The following RGS10 variants were observed in gnomAD, a reference collection of about 807,000 sequenced individuals.
The protein encoded by RGS10 is regulator of G-protein signalling 10.
In RGS10, 11 loss-of-function variants were observed where a neutral mutation model predicts 23.5. The ratio of observed to expected loss-of-function variants is 0.47; its 90% CI spans 0.29 to 0.77. The LOEUF (loss-of-function observed/expected upper bound fraction) is 0.77, where lower values mean the gene tolerates loss of function less well. Ranked by LOEUF, RGS10 falls within the 30% of genes least tolerant of loss-of-function variation. The probability of loss-of-function intolerance (pLI) is 0.08; values close to 1 mark genes in which losing one functional copy is unlikely to be tolerated. For synonymous variants in RGS10, 77 were observed against 83.2 expected (o/e 0.92, Z 0.41); for missense variants, 180 against 226.3 (o/e 0.80, Z 1.31).
At chr10:119,504,513 G>C (rs1589832387) in intron 4 of RGS10, among the ~76,000 whole-genome samples, 1 of 152,330 alleles carries the variant, frequency 6.6e-6, no homozygotes, top group Middle Eastern at 3.4e-3. Context: ...ATGTGTCTAA[G>C]TGAGAAACAA....
chr10:119,533,971 T>G (rs1416372082), intron 1 of RGS10, among the ~76,000 whole-genome samples: 1 of 152,116 alleles, frequency 6.6e-6, no homozygotes, highest in Admixed American at 6.6e-5. Flanking sequence ...ATACTTCAGA[T>G]GGGCCAGGCA....
intron 4 of RGS10, among the ~76,000 whole-genome samples, chr10:119,504,177 G>A (rs569167753): frequency 1.4e-4 from 21 of 152,310 alleles, no homozygotes; most frequent in African/African-American, 4.1e-4. Context: ...TCCCAAATAC[G>A]TTCTTTTTTG....
At chr10:119,502,450 T>G (rs1014665180) in intron 4 of RGS10, among the ~76,000 whole-genome samples, 1 of 152,118 alleles carries the variant, frequency 6.6e-6, no homozygotes, top group African/African-American at 2.4e-5. Context: ...GACCCACCAC[T>G]CTAAGCAGGA....
rs1020828002 is a variant in RGS10, at chr10:119,542,719, G to C, written c.-81C>G. ...CGGAGGAAGGCGAGGAGGAGGAGGA[G>C]GGCGAGGAGGAGGAGGAGGAGGGCA... On this transcript the variant is annotated 5_prime_UTR_variant, in exon 1 of 5. Transcript: ENST00000369103. 1.1e-5 allele frequency: 13 copies of C among 1,224,502 alleles called. No homozygotes were observed. In the African/African-American group the frequency reaches 1.4e-4, roughly 13 times the overall value. The allele number at this position is 1,224,502 out of a possible 1,614,324, so 75.9% of individuals were successfully genotyped here.
chr10:119,509,317 A>G (rs529577571), intron 4 of RGS10, among the ~76,000 whole-genome samples: 1 of 152,244 alleles, frequency 6.6e-6, no homozygotes, highest in Non-Finnish European at 1.5e-5. Context: ...GGCCGGGCAC[A>G]GTGGCTTATG....
intron 1 of RGS10, among the ~76,000 whole-genome samples, chr10:119,533,837 T>C (rs1359353949): frequency 6.6e-6 from 1 of 152,230 alleles, no homozygotes; most frequent in Non-Finnish European, 1.5e-5. Context: ...GTGTTTCATT[T>C]TGTTTTCTTA....
At chr10:119,506,979 G>A (rs1458914614) in intron 4 of RGS10, among the ~76,000 whole-genome samples, 3 of 152,174 alleles carry the variant, frequency 2.0e-5, no homozygotes, top group African/African-American at 4.8e-5. Context: ...GATTACAGGC[G>A]TGAGCCACCA....
At chr10:119,512,108 T>C (rs536378095) in intron 4 of RGS10, among the ~76,000 whole-genome samples, 6 of 151,244 alleles carry the variant, frequency 4.0e-5, no homozygotes, top group Admixed American at 4.0e-4. Context: ...TACTAGAAGC[T>C]CAGAGAGCAG....
chr10:119,534,354 A>G (rs1844363431), intron 1 of RGS10, among the ~76,000 whole-genome samples: 1 of 151,750 alleles, frequency 6.6e-6, no homozygotes, highest in South Asian at 2.1e-4. Context: ...GCACTTTGGG[A>G]GGCCGAGGCA....
intron 3 of RGS10, among the ~76,000 whole-genome samples, chr10:119,521,721 GAAAA>G (rs34525549): frequency 3.7e-4 from 51 of 136,562 alleles, no homozygotes; most frequent in East Asian, 1.3e-3. Context: ...GGGAAAAAAA[GAAAA>G]AAAAAAAAAA....
chr10:119,502,941 T>C (rs977888108), intron 4 of RGS10, among the ~76,000 whole-genome samples: 6 of 152,128 alleles, frequency 3.9e-5, no homozygotes, highest in Admixed American at 2.6e-4. Context: ...GCCTGGGCTG[T>C]GGGAAGCCTG....
chr10:119,519,898 C>A (rs1844193863), intron 3 of RGS10, among the ~76,000 whole-genome samples: 1 of 152,230 alleles, frequency 6.6e-6, no homozygotes, highest in Non-Finnish European at 1.5e-5. Context: ...CCAACCCTCC[C>A]CCAAGCTACT....
chr10:119,542,013 C>T (rs1162512211), intron 1 of RGS10, among the ~76,000 whole-genome samples: 1 of 152,258 alleles, frequency 6.6e-6, no homozygotes, highest in African/African-American at 2.4e-5. Context: ...AAGGCGAATC[C>T]TTCGTAACGT....
At chr10:119,508,774 A>G (rs78185176) in intron 4 of RGS10, among the ~76,000 whole-genome samples, 419 of 152,290 alleles carry the variant, frequency 2.8e-3, no homozygotes, top group African/African-American at 9.3e-3. Context: ...TATCTTAACA[A>G]TAAGCATGTA....
chr10:119,533,479 A>C (rs1412298588), intron 1 of RGS10, among the ~76,000 whole-genome samples: 2 of 152,204 alleles, frequency 1.3e-5, no homozygotes, highest in African/African-American at 4.8e-5. Context: ...AGAAATAAAT[A>C]CTCTTTCTCA....
At position 119,527,294 on chromosome 10, in the gene RGS10, A is replaced by C; in HGVS notation, c.168+12T>G. The stretch of plus-strand genomic sequence containing the variant: ...ACTGCATCCATCCCGATTAACAATG[A>C]AAAAGACAAACCCTAAATCTTTTCA... On this transcript the variant is annotated intron_variant, in intron 2 of 4. Coordinates refer to ENST00000369103, the MANE Select transcript of RGS10 (RefSeq NM_001005339.2). This position sits in a 1 kb window ranked among gnomAD's most constrained non-coding sequence, Gnocchi z 4.2. The C allele has an allele frequency of 6.3e-7, 1 of 1,597,700 alleles. No individual in the cohort carries two copies. The highest frequency in any genetic ancestry group is 8.6e-7 in the Non-Finnish European group (1 of 1,165,528).
chr10:119,516,446 T>C (rs1844144392), intron 3 of RGS10: 1 of 152,234 alleles, frequency 6.6e-6, no homozygotes, highest in African/African-American at 2.4e-5. Context: ...TGGCATGGCT[T>C]ATCTGAGAGC....
At position 119,526,355 on chromosome 10, in the gene RGS10, G is replaced by C. The variant is rs112777141; in HGVS notation, c.169-237C>G. Among the ~76,000 whole-genome samples the C allele has an allele frequency of 5.1e-3, 770 of 152,318 alleles. 9 individuals carry two copies. The highest frequency in any genetic ancestry group is 0.017 in the African/African-American group (691 of 41,568). On this transcript the variant is annotated intron_variant, in intron 2 of 4. Transcript: ENST00000369103. ...GTAAAGAAGAGTACAAATGAAGCAG[G>C]AATGTACTCATATTTCTAAGCTGAC...
At chr10:119,506,758 C>A (rs1379391608) in intron 4 of RGS10, among the ~76,000 whole-genome samples, 1 of 152,112 alleles carries the variant, frequency 6.6e-6, no homozygotes, top group Non-Finnish European at 1.5e-5. Context: ...TGGAGTGCAG[C>A]GGCGCGATCT....
Sources: allele counts gnomAD v4.1 joint callset (sites outside exome capture counted in the v4.1 genomes callset), GRCh38; gene constraint gnomAD v4.1.1; non-coding constraint Gnocchi (gnomAD v3.1); transcripts MANE v1.5; gene names NCBI Gene and HGNC (gene_info 2026-07-23, HGNC 2026-07-21).